PPARGC1A: variants seen among roughly 807,000 people sequenced by gnomAD.
PPARGC1A encodes the protein peroxisome proliferator-activated receptor gamma coactivator 1-alpha.
Under a neutral mutation model 88.7 loss-of-function variants are expected in PPARGC1A, and 25 were observed. That is an observed-to-expected ratio of 0.28 (90% CI 0.21 to 0.39). PPARGC1A has a LOEUF of 0.39. Among genes scored for constraint, PPARGC1A ranks in the 10% least tolerant of loss-of-function variants. The pLI, the probability that PPARGC1A is intolerant of heterozygous loss-of-function variation, is 1.00. For synonymous variants in PPARGC1A, 363 were observed against 355.6 expected (o/e 1.02, Z -0.24); for missense variants, 880 against 968.7 (o/e 0.91, Z 1.22).
chr4:24,254,655 C>T, the PPARGC1A span, among the ~76,000 whole-genome samples: 3 of 152,206 alleles, frequency 2.0e-5, no homozygotes, highest in South Asian at 4.1e-4. Context: ...CAGAAGGCTG[C>T]AGAGGGCGTG....
At chr4:24,251,524 C>A in the PPARGC1A span, among the ~76,000 whole-genome samples, 2 of 152,178 alleles carry the variant, frequency 1.3e-5, no homozygotes, top group African/African-American at 4.8e-5. Context: ...ACACTGTTAT[C>A]CCACTCTTCC....
At chr4:23,884,606 C>T (rs1716544704) in intron 2 of PPARGC1A, 146 bp downstream of exon 2, 2 of 615,324 alleles carry the variant, frequency 3.3e-6, no homozygotes, top group South Asian at 1.2e-4. Flanking sequence ...GCTGTTTTTC[C>T]ATAAATTAGA....
intron 2 of PPARGC1A, among the ~76,000 whole-genome samples, chr4:23,872,866 T>A (rs1232136742): frequency 6.6e-6 from 1 of 152,150 alleles, no homozygotes. Flanking sequence ...AGTTGGAAAC[T>A]GAGAGCTTTA....
the PPARGC1A span, among the ~76,000 whole-genome samples, chr4:23,994,454 A>G: frequency 6.6e-6 from 1 of 152,152 alleles, no homozygotes; most frequent in South Asian, 2.1e-4. Context: ...CTAATAAAAT[A>G]GGCTCTCCTG....
At chr4:23,826,508 A>G (rs547269601) in intron 5 of PPARGC1A, among the ~76,000 whole-genome samples, 3 of 152,210 alleles carry the variant, frequency 2.0e-5, no homozygotes, top group Non-Finnish European at 4.4e-5. Context: ...TATGGAGATC[A>G]TACGTGATGT....
the PPARGC1A span, among the ~76,000 whole-genome samples, chr4:24,186,852 A>G: frequency 6.6e-6 from 1 of 152,134 alleles, no homozygotes; most frequent in African/African-American, 2.4e-5. Context: ...ATTAAAAATA[A>G]AATTTAAAAA....
chr4:23,870,683 T>C (rs1192958524), intron 2 of PPARGC1A, among the ~76,000 whole-genome samples: 2 of 152,180 alleles, frequency 1.3e-5, no homozygotes, highest in Non-Finnish European at 2.9e-5. Context: ...ATGTGCTCCA[T>C]CTGAGGGAAT....
At chr4:23,959,099 G>T in the PPARGC1A span, among the ~76,000 whole-genome samples, 1 of 151,800 alleles carries the variant, frequency 6.6e-6, no homozygotes, top group Non-Finnish European at 1.5e-5. Context: ...TTCCAAACAG[G>T]TTCTCTCAAT....
the PPARGC1A span, among the ~76,000 whole-genome samples, chr4:24,102,243 C>T: frequency 1.3e-5 from 2 of 152,210 alleles, no homozygotes; most frequent in African/African-American, 4.8e-5. Flanking sequence ...CACTTCAGTA[C>T]AGACCACAGG....
the PPARGC1A span, among the ~76,000 whole-genome samples, chr4:24,218,186 A>G: frequency 6.6e-6 from 1 of 152,230 alleles, no homozygotes; most frequent in East Asian, 1.9e-4. Context: ...GCTAGGGTGC[A>G]AAGAAACAAT....
the PPARGC1A span, among the ~76,000 whole-genome samples, chr4:24,240,856 G>A: frequency 6.6e-6 from 1 of 152,108 alleles, no homozygotes; most frequent in Admixed American, 6.5e-5. Flanking sequence ...GGCAGGGAGG[G>A]AGAAGAGCCT....
the PPARGC1A span, among the ~76,000 whole-genome samples, chr4:24,433,277 A>C: frequency 2.6e-5 from 4 of 152,068 alleles, no homozygotes; most frequent in East Asian, 3.9e-4. Flanking sequence ...TGTATGTTTT[A>C]TTTCTTTCTC....
the PPARGC1A span, among the ~76,000 whole-genome samples, chr4:24,087,738 G>T: frequency 2.0e-5 from 3 of 152,220 alleles, no homozygotes; most frequent in Non-Finnish European, 2.9e-5. Context: ...GGCTATGGGG[G>T]ACAGGGGCAT....
chr4:24,356,200 C>CAAA, the PPARGC1A span, among the ~76,000 whole-genome samples: 397 of 74,550 alleles, frequency 5.3e-3, 6 homozygotes, highest in African/African-American at 0.018. Context: ...CCGTCTCAAA[C>CAAA]AAAAAAAAAA....
chr4:24,384,015 A>G, the PPARGC1A span, among the ~76,000 whole-genome samples: 17 of 152,192 alleles, frequency 1.1e-4, no homozygotes, highest in African/African-American at 4.1e-4. Context: ...CCATCAGACT[A>G]ACAGTGGATC....
chr4:24,248,694 G>C, the PPARGC1A span, among the ~76,000 whole-genome samples: 1 of 152,194 alleles, frequency 6.6e-6, no homozygotes, highest in Non-Finnish European at 1.5e-5. Flanking sequence ...AAATGAAGAC[G>C]CTACCTACAT....
chr4:24,211,809 C>T, the PPARGC1A span, among the ~76,000 whole-genome samples: 2 of 152,166 alleles, frequency 1.3e-5, no homozygotes, highest in Non-Finnish European at 2.9e-5. Context: ...ATGAGCAAAA[C>T]AATAATAAGT....
the PPARGC1A span, among the ~76,000 whole-genome samples, chr4:24,047,357 C>A: frequency 6.6e-6 from 1 of 152,174 alleles, no homozygotes; most frequent in Non-Finnish European, 1.5e-5. Context: ...TACTATATCC[C>A]TGGCATTTTG....
chr4:24,251,354 T>G, the PPARGC1A span, among the ~76,000 whole-genome samples: 1 of 152,212 alleles, frequency 6.6e-6, no homozygotes. Flanking sequence ...TGTAAAATAC[T>G]TGTATGATCT....
Sources: gnomAD v4.1 joint callset for allele counts (sites outside exome capture counted in the v4.1 genomes callset) on GRCh38, gnomAD v4.1.1 for gene constraint, MANE v1.5 for transcripts, NCBI Gene and HGNC (gene_info 2026-07-23, HGNC 2026-07-21) for gene names.